ALK: variants seen among roughly 807,000 people sequenced by gnomAD.
The protein encoded by ALK is ALK receptor tyrosine kinase, also known as ALK tyrosine kinase receptor.
Under a neutral mutation model 163.1 loss-of-function variants are expected in ALK, and 74 were observed. That is an observed-to-expected ratio of 0.45 (90% CI 0.38 to 0.55). The LOEUF (loss-of-function observed/expected upper bound fraction) is 0.55. Among genes scored for constraint, ALK ranks in the 20% least tolerant of loss-of-function variants. ALK has a pLI of 0.00. For synonymous variants in ALK, 960 were observed against 843.2 expected, an observed-to-expected ratio of 1.14 and a Z score of -2.40; for missense variants, 2,063 against 2,105.3, an observed-to-expected ratio of 0.98 and a Z score of 0.39.
intron 3 of ALK, among the ~76,000 whole-genome samples, chr2:29,675,100 C>T (rs374669880): frequency 2.6e-5 from 4 of 151,886 alleles, no homozygotes; most frequent in East Asian, 3.9e-4. Context: ...GCTTCCAGGA[C>T]ATTTTCTATG....
chr2:29,540,016 C>T (rs1402880068), intron 3 of ALK, among the ~76,000 whole-genome samples: 1 of 152,014 alleles, frequency 6.6e-6, no homozygotes, highest in Non-Finnish European at 1.5e-5. Context: ...TTTTGTAGGA[C>T]AAAATAGTGG....
chr2:29,776,321 CA>C (rs1681176258), intron 1 of ALK, among the ~76,000 whole-genome samples: 1 of 134,328 alleles, frequency 7.4e-6, no homozygotes, highest in Non-Finnish European at 1.7e-5. Context: ...GAAGGCTGTT[CA>C]TCAAAAATCA....
intron 9 of ALK, among the ~76,000 whole-genome samples, chr2:29,289,294 C>G (rs781781743): frequency 6.6e-6 from 1 of 152,182 alleles, no homozygotes; most frequent in Non-Finnish European, 1.5e-5. Context: ...AAGCCAGGGA[C>G]TCTGCTCCCA....
intron 4 of ALK, among the ~76,000 whole-genome samples, chr2:29,453,285 G>A (rs1670869022): frequency 6.6e-6 from 1 of 152,140 alleles, no homozygotes; most frequent in African/African-American, 2.4e-5. Context: ...AGGGTAGAGT[G>A]CAATGGCATG....
At chr2:29,626,576 A>G (rs1676200939) in intron 3 of ALK, among the ~76,000 whole-genome samples, 1 of 152,198 alleles carries the variant, frequency 6.6e-6, no homozygotes, top group Admixed American at 6.5e-5. Context: ...GCATGAGAAT[A>G]GACTAAAACA....
At chr2:29,748,164 G>C (rs1003739485) in intron 1 of ALK, among the ~76,000 whole-genome samples, 1 of 152,138 alleles carries the variant, frequency 6.6e-6, no homozygotes, top group African/African-American at 2.4e-5. Flanking sequence ...TGTGACACTC[G>C]TTAGGTGTGG....
At chr2:29,738,861 T>G (rs1164908286) in intron 1 of ALK, among the ~76,000 whole-genome samples, 3 of 152,090 alleles carry the variant, frequency 2.0e-5, no homozygotes, top group Non-Finnish European at 4.4e-5. Context: ...TATTTGCTAT[T>G]GACAATCCAG....
At chr2:29,862,944 C>G (rs536009827) in intron 1 of ALK, among the ~76,000 whole-genome samples, 1 of 152,034 alleles carries the variant, frequency 6.6e-6, no homozygotes, top group Non-Finnish European at 1.5e-5. Context: ...AGCAAGAGAG[C>G]CCAGAAATAA....
In ALK at chr2:29,705,240, AAT is replaced by A. The variant is rs1172702963; in HGVS notation, c.788-10228_788-10227del. On this transcript the variant is annotated intron_variant, in intron 2 of 28. Transcript: ENST00000389048. The stretch of plus-strand genomic sequence containing the variant: ...CTCAACAAAAAAAGAAAAGAAAAGA[AAT>A]ATATATATATATATATATATATATA... Among the ~76,000 whole-genome samples the A allele has an allele frequency of 3.6e-3, 168 of 47,154 alleles. 1 individual carries two copies. Among genetic ancestry groups the A allele is most frequent in the Admixed American group, 7.3e-3 (21 of 2,880 alleles). 30.9% of individuals were successfully genotyped at this position (47,154 alleles called of 152,430 possible).
chr2:29,605,549 C>T (rs987304053), intron 3 of ALK, among the ~76,000 whole-genome samples: 55 of 152,144 alleles, frequency 3.6e-4, no homozygotes, highest in Admixed American at 2.2e-3. Context: ...GTGGGGCCCT[C>T]ATAATGGGAT....
intron 8 of ALK, among the ~76,000 whole-genome samples, chr2:29,298,076 A>G (rs938045024): frequency 6.6e-6 from 1 of 152,132 alleles, no homozygotes; most frequent in Admixed American, 6.5e-5. Flanking sequence ...TCACAATTTG[A>G]TTGAAGAGGT....
intron 3 of ALK, among the ~76,000 whole-genome samples, chr2:29,600,067 C>T (rs1369916308): frequency 6.6e-6 from 1 of 152,198 alleles, no homozygotes; most frequent in Admixed American, 6.5e-5. Flanking sequence ...AGATCCACAT[C>T]ACCCATCCAC....
At position 29,821,866 on chromosome 2, in the gene ALK, C is replaced by T. The variant is rs547954317; in HGVS notation, c.667+98127G>A. 5.9e-5 allele frequency among the ~76,000 whole-genome samples: 9 copies of T among 152,248 alleles called. No individual in the cohort carries two copies. In the East Asian group the frequency reaches 9.7e-4, roughly 16 times the overall value. ...ACTGCCCTTCCCACTGTAGCCTTTCCGAAGATGAGCACAGACTGGGGATTC... is the reference window on the plus strand; with the variant it reads ...ACTGCCCTTCCCACTGTAGCCTTTCTGAAGATGAGCACAGACTGGGGATTC... On this transcript the variant is annotated intron_variant, in intron 1 of 28. Coordinates refer to ENST00000389048, the MANE Select transcript of ALK (RefSeq NM_004304.5).
chr2:29,568,555 A>G (rs1674259796), intron 3 of ALK, among the ~76,000 whole-genome samples: 1 of 152,000 alleles, frequency 6.6e-6, no homozygotes, highest in South Asian at 2.1e-4. Flanking sequence ...AGAGTTCTTT[A>G]GGGGTCCCTG....
chr2:29,275,261 G>A, intron 10 of ALK, 34 bp from the exon 11 acceptor site: 5 of 1,613,942 alleles, frequency 3.1e-6, no homozygotes, highest in East Asian at 4.5e-5. Flanking sequence ...GCTGAGTTAG[G>A]TGAGGGTTGA....
At chr2:29,701,108 G>T (rs986436109) in intron 2 of ALK, among the ~76,000 whole-genome samples, 2 of 152,188 alleles carry the variant, frequency 1.3e-5, no homozygotes, top group Non-Finnish European at 2.9e-5. Flanking sequence ...TAGGGAGCTT[G>T]GTGCATTTTG....
intron 6 of ALK, among the ~76,000 whole-genome samples, chr2:29,323,555 C>A (rs1573232110): frequency 6.6e-6 from 1 of 152,128 alleles, no homozygotes; most frequent in Non-Finnish European, 1.5e-5. Context: ...GCAAGACAGG[C>A]CAGTGGACAA....
intron 8 of ALK, among the ~76,000 whole-genome samples, chr2:29,298,949 G>A (rs1558659309): frequency 2.0e-5 from 3 of 152,118 alleles, no homozygotes; most frequent in Non-Finnish European, 4.4e-5. Flanking sequence ...ATAAGATCAA[G>A]GTTCACCCAT....
At chr2:29,592,516 C>T (rs528265980) in intron 3 of ALK, among the ~76,000 whole-genome samples, 282 of 152,292 alleles carry the variant, frequency 1.9e-3, no homozygotes, top group Non-Finnish European at 3.3e-3. Flanking sequence ...TTCCCTCTAC[C>T]TGGGAAGAGG....
Sources: allele counts gnomAD v4.1 joint callset (sites outside exome capture counted in the v4.1 genomes callset), GRCh38; gene constraint gnomAD v4.1.1; transcripts MANE v1.5; gene names NCBI Gene and HGNC (gene_info 2026-07-23, HGNC 2026-07-21).